The following ZCCHC2 variants were observed in gnomAD, a reference collection of about 807,000 sequenced individuals.
The protein encoded by ZCCHC2 is zinc finger CCHC-type containing 2.
ZCCHC2 carries 39 observed loss-of-function variants against 103.6 expected under a neutral mutation model. That is an observed-to-expected ratio of 0.38 (90% CI 0.29 to 0.49). The LOEUF (loss-of-function observed/expected upper bound fraction) is 0.49. ZCCHC2 is among the 20% of genes least tolerant of loss of function. The probability of loss-of-function intolerance (pLI) is 0.96; values close to 1 mark genes in which losing one functional copy is unlikely to be tolerated. For synonymous variants in ZCCHC2, 687 were observed against 608.9 expected (o/e 1.13, Z -1.89); for missense variants, 1,483 against 1,491.0 (o/e 0.99, Z 0.09).
chr18:62,523,420 C>G lies in ZCCHC2; in HGVS notation c.-5C>G, dbSNP rs1204722526. 51 of 1,075,822 alleles carry G rather than the reference C, an allele frequency of 4.7e-5. No individual in the cohort carries two copies. Among genetic ancestry groups the G allele is most frequent in the Middle Eastern group, 4.3e-4 (1 of 2,322 alleles). 66.6% of individuals were successfully genotyped at this position (1,075,822 alleles called of 1,614,324 possible). A position where few individuals can be genotyped will look rare whatever the true frequency, so the allele number is the denominator to read the frequency against. On this transcript the variant is annotated 5_prime_UTR_variant, in exon 1 of 14. Transcript: ENST00000269499. ...GCTCGCATGTCTGCGCCGCCCTAGC[C>G]GAGGATGCTGAGGATGAAGCTGCCG...
At chr18:62,564,251 T>G (rs986450751) in intron 9 of ZCCHC2, among the ~76,000 whole-genome samples, 1 of 152,232 alleles carries the variant, frequency 6.6e-6, no homozygotes, top group African/African-American at 2.4e-5. Flanking sequence ...TATGGAATTG[T>G]ACTTGAAGAG....
At chr18:62,548,262 A>ATT (rs200228854) in intron 4 of ZCCHC2, among the ~76,000 whole-genome samples, 1 of 151,610 alleles carries the variant, frequency 6.6e-6, no homozygotes, top group South Asian at 2.1e-4. Flanking sequence ...ATATATATAT[A>ATT]TTTTTTTTAG....
intron 1 of ZCCHC2, among the ~76,000 whole-genome samples, chr18:62,527,530 A>T (rs1199990830): frequency 3.3e-5 from 5 of 152,228 alleles, no homozygotes; most frequent in Non-Finnish European, 7.3e-5. Context: ...TATTTGGATG[A>T]CTTTATGGTA....
intron 12 of ZCCHC2, among the ~76,000 whole-genome samples, chr18:62,573,456 C>T (rs539176929): frequency 6.6e-6 from 1 of 152,224 alleles, no homozygotes; most frequent in East Asian, 1.9e-4. Flanking sequence ...TCTCCTATTC[C>T]TGTTTCTTGT....
chr18:62,557,648 T>C (rs1915950309), intron 6 of ZCCHC2, among the ~76,000 whole-genome samples: 1 of 152,234 alleles, frequency 6.6e-6, no homozygotes, highest in Non-Finnish European at 1.5e-5. Context: ...CCATCAGTGC[T>C]TTCCCCCTGC....
At chr18:62,539,362 A>G (rs924490246) in intron 1 of ZCCHC2, among the ~76,000 whole-genome samples, 1 of 152,170 alleles carries the variant, frequency 6.6e-6, no homozygotes, top group Non-Finnish European at 1.5e-5. Flanking sequence ...GCCGTTCCCT[A>G]TGGAGGATTA....
intron 1 of ZCCHC2, among the ~76,000 whole-genome samples, chr18:62,528,428 A>G (rs1312836718): frequency 6.6e-6 from 1 of 152,140 alleles, no homozygotes; most frequent in African/African-American, 2.4e-5. Context: ...CCCCATCTCT[A>G]TTAAGAAAAA....
At chr18:62,570,911 G>C (rs1367788221) in intron 12 of ZCCHC2, among the ~76,000 whole-genome samples, 1 of 152,164 alleles carries the variant, frequency 6.6e-6, no homozygotes, top group East Asian at 1.9e-4. Flanking sequence ...TTGCACAGAG[G>C]CTTAAAATCA....
intron 11 of ZCCHC2, among the ~76,000 whole-genome samples, chr18:62,566,452 C>T (rs1275729316): frequency 6.6e-6 from 1 of 152,134 alleles, no homozygotes. Flanking sequence ...AGAAGTCTGT[C>T]GGTGGACATT....
At chr18:62,545,781 A>G (rs781762099) in intron 4 of ZCCHC2, among the ~76,000 whole-genome samples, 2 of 152,222 alleles carry the variant, frequency 1.3e-5, no homozygotes, top group Non-Finnish European at 2.9e-5. Context: ...TAAACATATA[A>G]CATACGATAT....
chr18:62,576,614 T>A lies in ZCCHC2; in HGVS notation c.*35T>A, dbSNP rs1423151650. 2.5e-6 allele frequency: 4 copies of A among 1,593,732 alleles called. No individual in the cohort carries two copies. The highest frequency in any genetic ancestry group is 3.4e-6 in the Non-Finnish European group (4 of 1,162,592). The stretch of plus-strand genomic sequence containing the variant: ...AGCTTGCCTACTTAATACACTCAAG[T>A]GTGGGGAGTCATGGGGTGTGGAGGG... On this transcript the variant is annotated 3_prime_UTR_variant, in exon 14 of 14. Coordinates refer to ENST00000269499, the MANE Select transcript of ZCCHC2 (RefSeq NM_017742.6).
intron 1 of ZCCHC2, among the ~76,000 whole-genome samples, chr18:62,539,092 G>A (rs552712997): frequency 5.3e-5 from 8 of 152,204 alleles, no homozygotes; most frequent in African/African-American, 9.6e-5. Flanking sequence ...TCCAAGCATC[G>A]GATCTAGGAG....
intron 2 of ZCCHC2, 62 bp downstream of exon 2, chr18:62,539,854 TACGCTGA>T: frequency 1.5e-6 from 2 of 1,317,438 alleles, no homozygotes; most frequent in Non-Finnish European, 2.1e-6. Flanking sequence ...GGGTGCTCTT[TACGCTGA>T]TTAACTCTAA....
intron 5 of ZCCHC2, chr18:62,551,640 G>C (rs1421703852): frequency 6.5e-6 from 1 of 153,334 alleles, no homozygotes; most frequent in Non-Finnish European, 1.5e-5. Context: ...TGAGAGCGGA[G>C]GCATCTGAGT....
chr18:62,524,138 G>A lies in ZCCHC2; in HGVS notation c.714G>A (p.Pro238=). 2 of 1,542,600 alleles carry A rather than the reference G, an allele frequency of 1.3e-6. No individual in the cohort carries two copies. The highest frequency in any genetic ancestry group is 1.7e-6 in the Non-Finnish European group (2 of 1,145,484). The change falls in exon 1 of 14, where the codon CCG becomes CCA. Residue 238 remains proline (P), a synonymous_variant. Coordinates refer to ENST00000269499, the MANE Select transcript of ZCCHC2 (RefSeq NM_017742.6). Reference sequence around the variant, plus strand: ...ACGCCGAGAAGGACGGCTCAGGCCCGGAAGGCGGCATTGTGGAGCCCCGGG... The same window carrying A: ...ACGCCGAGAAGGACGGCTCAGGCCCAGAAGGCGGCATTGTGGAGCCCCGGG... ...EQDAEKDGSG[P]EGGIVEPRVG... is the part of the protein sequence containing the mutation.
intron 1 of ZCCHC2, among the ~76,000 whole-genome samples, chr18:62,531,169 C>T (rs1914657387): frequency 6.6e-6 from 1 of 152,070 alleles, no homozygotes; most frequent in Non-Finnish European, 1.5e-5. Flanking sequence ...GACAGTACTT[C>T]TTTTACTTAC....
At chr18:62,535,513 GTT>G (rs1025640498) in intron 1 of ZCCHC2, among the ~76,000 whole-genome samples, 2 of 152,166 alleles carry the variant, frequency 1.3e-5, no homozygotes, top group Admixed American at 1.3e-4. Context: ...ATAGTGAAGA[GTT>G]TGTCTCTGTT....
chr18:62,582,023 G>C (rs1277601020), downstream of ZCCHC2: 1 of 153,392 alleles, frequency 6.5e-6, no homozygotes, highest in African/African-American at 2.4e-5. Context: ...GGGGACGTGG[G>C]GGAAGGAGAT....
chr18:62,575,316 C>G lies in ZCCHC2; in HGVS notation c.3235C>G (p.Pro1079Ala). The G allele has an allele frequency of 1.2e-6, 2 of 1,613,934 alleles. No homozygotes were observed. The highest frequency in any genetic ancestry group is 1.7e-6 in the Non-Finnish European group (2 of 1,179,856). ...ACTTCCTTTTTTTCTGCCTCAGACT[C>G]CATATGCAAATGGACTGGTACATGA... is the stretch of plus-strand genomic sequence containing the variant. ...NQLPFFLPQT[P>A]YANGLVHDPV... Residue 1079 changes from proline (P) to alanine (A), a missense_variant, in exon 13 of 14, where the codon CCA (proline) becomes GCA (alanine). Physicochemically the swap from Pro to Ala is conservative, Grantham distance 27 (BLOSUM62 -1). Coordinates refer to ENST00000269499, the MANE Select transcript of ZCCHC2 (RefSeq NM_017742.6).
Sources: allele counts gnomAD v4.1 joint callset (sites outside exome capture counted in the v4.1 genomes callset), GRCh38; gene constraint gnomAD v4.1.1; transcripts MANE v1.5; gene names NCBI Gene and HGNC (gene_info 2026-07-23, HGNC 2026-07-21).